Variants in JAZF1 observed in about 807,000 individuals in gnomAD.
The protein encoded by JAZF1 is juxtaposed with another zinc finger protein 1.
Under a neutral mutation model 26.4 loss-of-function variants are expected in JAZF1, and 8 were observed. The ratio of observed to expected loss-of-function variants is 0.30; its 90% CI spans 0.18 to 0.55. The LOEUF (loss-of-function observed/expected upper bound fraction) is 0.55. Among genes scored for constraint, JAZF1 ranks in the 20% least tolerant of loss-of-function variants. JAZF1 has a pLI of 0.94. For missense variants in JAZF1, 199 were observed against 322.0 expected (o/e 0.62, Z 2.92); for synonymous variants, 126 against 122.3 (o/e 1.03, Z -0.20).
chr7:27,846,572 G>A, intron 3 of JAZF1: 1 of 470,678 alleles, frequency 2.1e-6, no homozygotes, highest in Non-Finnish European at 4.4e-6. Context: ...CCAGAAGAGG[G>A]ATTGTTGGGT....
intron 2 of JAZF1, among the ~76,000 whole-genome samples, chr7:27,906,220 G>C (rs1469108221): frequency 2.0e-5 from 3 of 151,714 alleles, no homozygotes; most frequent in African/African-American, 7.3e-5. Flanking sequence ...TCCTCTCACA[G>C]CTGGACACAC....
intron 1 of JAZF1, among the ~76,000 whole-genome samples, chr7:28,150,482 C>T (rs541691751): frequency 1.3e-5 from 2 of 152,342 alleles, no homozygotes; most frequent in Non-Finnish European, 1.5e-5. Flanking sequence ...GCATCACCTT[C>T]GAATAAAGGC....
chr7:27,903,016 A>AAC (rs1784191413), intron 2 of JAZF1, among the ~76,000 whole-genome samples: 1 of 4,622 alleles, frequency 2.2e-4, no homozygotes, highest in Non-Finnish European at 1.5e-3. Flanking sequence ...ACTCCGTCTT[A>AAC]AAAAAAAAAA....
intron 1 of JAZF1, among the ~76,000 whole-genome samples, chr7:28,155,541 G>A (rs1783169702): frequency 6.6e-6 from 1 of 152,234 alleles, no homozygotes; most frequent in African/African-American, 2.4e-5. Context: ...GAGGGGAAAT[G>A]AGTAATTTAG....
At chr7:28,065,534 G>T (rs1047408045) in intron 1 of JAZF1, among the ~76,000 whole-genome samples, 8 of 152,168 alleles carry the variant, frequency 5.3e-5, no homozygotes, top group Admixed American at 2.0e-4. Flanking sequence ...GACCATAAAT[G>T]TCACGATCCT....
intron 2 of JAZF1, among the ~76,000 whole-genome samples, chr7:27,918,081 T>C (rs1784472303): frequency 1.3e-5 from 2 of 152,168 alleles, no homozygotes; most frequent in African/African-American, 4.8e-5. Flanking sequence ...ACTAGGTTCC[T>C]GAGTGAAGGA....
At chr7:28,107,717 A>G (rs945940416) in intron 1 of JAZF1, among the ~76,000 whole-genome samples, 1 of 152,334 alleles carries the variant, frequency 6.6e-6, no homozygotes, top group South Asian at 2.1e-4. Context: ...ATGCCATTCA[A>G]TAGTGGTTCA....
intron 2 of JAZF1, among the ~76,000 whole-genome samples, chr7:27,924,951 T>C (rs1287985733): frequency 6.6e-6 from 1 of 152,236 alleles, no homozygotes; most frequent in African/African-American, 2.4e-5. Context: ...CTGACTACAA[T>C]CTAGCTAAAG....
At chr7:28,110,719 A>G (rs775371711) in intron 1 of JAZF1, among the ~76,000 whole-genome samples, 1 of 152,200 alleles carries the variant, frequency 6.6e-6, no homozygotes, top group Non-Finnish European at 1.5e-5. Context: ...CTGAGATGTT[A>G]GAGTTCAGTT....
intron 1 of JAZF1, among the ~76,000 whole-genome samples, chr7:28,174,506 T>G (rs1783519223): frequency 6.6e-6 from 1 of 152,230 alleles, no homozygotes. Context: ...AGGAGATATC[T>G]CCGAAATATA....
At chr7:28,057,886 AAAG>A (rs1783737747) in intron 1 of JAZF1, among the ~76,000 whole-genome samples, 1 of 152,156 alleles carries the variant, frequency 6.6e-6, no homozygotes, top group South Asian at 2.1e-4. Context: ...TCATCTTTTC[AAAG>A]AACAAACTTT....
At chr7:28,055,010 G>C (rs1783680218) in intron 1 of JAZF1, among the ~76,000 whole-genome samples, 1 of 152,110 alleles carries the variant, frequency 6.6e-6, no homozygotes, top group African/African-American at 2.4e-5. Flanking sequence ...CAGGGCTATA[G>C]ATGAACTATG....
chr7:28,056,680 A>C (rs1783717649), intron 1 of JAZF1, among the ~76,000 whole-genome samples: 1 of 152,180 alleles, frequency 6.6e-6, no homozygotes, highest in Non-Finnish European at 1.5e-5. Flanking sequence ...GCTGGGGCTC[A>C]GGCTGCTTCT....
intron 3 of JAZF1, among the ~76,000 whole-genome samples, chr7:27,853,054 C>T (rs1290705048): frequency 1.3e-5 from 2 of 152,228 alleles, no homozygotes; most frequent in Non-Finnish European, 1.5e-5. Context: ...CTGTCCCTCC[C>T]TGCGGTGACG....
At chr7:28,020,200 T>C (rs897172025) in intron 1 of JAZF1, among the ~76,000 whole-genome samples, 2 of 152,188 alleles carry the variant, frequency 1.3e-5, no homozygotes, top group South Asian at 2.1e-4. Flanking sequence ...GAGATAAAAC[T>C]ATGCTGTAAC....
chr7:27,977,288 C>T (rs1244650117), intron 2 of JAZF1, among the ~76,000 whole-genome samples: 1 of 152,126 alleles, frequency 6.6e-6, no homozygotes, highest in Non-Finnish European at 1.5e-5. Context: ...TTGTATAGGT[C>T]TAGACTTATA....
chr7:27,988,400 T>C (rs1414291393), intron 2 of JAZF1, among the ~76,000 whole-genome samples: 1 of 150,650 alleles, frequency 6.6e-6, no homozygotes, highest in Non-Finnish European at 1.5e-5. Flanking sequence ...TTTGAGACAG[T>C]GTCTCCCCCC....
At chr7:27,846,301 T>TAGTA (rs139113017) in intron 3 of JAZF1, among the ~76,000 whole-genome samples, 2,399 of 152,014 alleles carry the variant, frequency 0.016, 67 homozygotes, top group African/African-American at 0.056. Flanking sequence ...TAAGGCTGAA[T>TAGTA]AGTATTCCAT....
Position 27,899,208 on chromosome 7 carries a change from G to C in JAZF1, c.189-3792C>G, listed in dbSNP as rs180920123. On this transcript the variant is annotated intron_variant, in intron 2 of 4. Coordinates refer to ENST00000283928, the MANE Select transcript of JAZF1 (RefSeq NM_175061.4). ...TTCCTAGTGGCAAGGAGCCATTTGG[G>C]GAGACAAAAGTGTCTAGAGAAGCCA... Among the ~76,000 whole-genome samples the C allele has an allele frequency of 1.6e-3, 249 of 152,312 alleles. 1 individual carries two copies. The highest frequency in any genetic ancestry group is 5.7e-3 in the African/African-American group (239 of 41,580).
Sources: allele counts gnomAD v4.1 joint callset (sites outside exome capture counted in the v4.1 genomes callset), GRCh38; gene constraint gnomAD v4.1.1; transcripts MANE v1.5; gene names NCBI Gene and HGNC (gene_info 2026-07-23, HGNC 2026-07-21).